The following NEGR1 variants were observed in gnomAD, a reference collection of about 807,000 sequenced individuals.
NEGR1 encodes the protein neuronal growth regulator 1.
Under a neutral mutation model 40.9 loss-of-function variants are expected in NEGR1, and 10 were observed. The observed-to-expected ratio is 0.24, with a 90% confidence interval of 0.15 to 0.42. The LOEUF (loss-of-function observed/expected upper bound fraction) is 0.42. NEGR1 is among the 10% of genes least tolerant of loss of function. NEGR1 has a pLI of 1.00. For synonymous variants in NEGR1, 185 were observed against 166.8 expected (o/e 1.11, Z -0.84); for missense variants, 352 against 438.9 (o/e 0.80, Z 1.77).
chr1:71,574,694 A>C (rs1648907146), intron 6 of NEGR1, among the ~76,000 whole-genome samples: 1 of 152,194 alleles, frequency 6.6e-6, no homozygotes, highest in South Asian at 2.1e-4. Context: ...AGCACATATC[A>C]ATAAATTTAT....
At chr1:71,996,851 C>T (rs1483945557) in intron 1 of NEGR1, among the ~76,000 whole-genome samples, 1 of 151,960 alleles carries the variant, frequency 6.6e-6, no homozygotes, top group African/African-American at 2.4e-5. Context: ...CTAAAGTTAC[C>T]AATGATCTCT....
intron 6 of NEGR1, among the ~76,000 whole-genome samples, chr1:71,565,599 G>C (rs6668345): frequency 0.61 from 92,513 of 151,984 alleles, 28,670 homozygotes; most frequent in Middle Eastern, 0.68. Flanking sequence ...CCTGCAGAGA[G>C]TGCCAGCTGA....
intron 6 of NEGR1, among the ~76,000 whole-genome samples, chr1:71,421,746 C>T (rs764137548): frequency 3.9e-5 from 6 of 152,176 alleles, no homozygotes; most frequent in Non-Finnish European, 7.4e-5. Context: ...AGCAACCATA[C>T]ATTCTGATGT....
At chr1:72,021,602 A>T (rs1172679324) in intron 1 of NEGR1, among the ~76,000 whole-genome samples, 2 of 152,164 alleles carry the variant, frequency 1.3e-5, no homozygotes, top group Admixed American at 1.3e-4. Flanking sequence ...GTAAAATGAT[A>T]TTTTGAAAAA....
At chr1:72,150,717 G>A (rs1306168212) in intron 1 of NEGR1, among the ~76,000 whole-genome samples, 3 of 152,012 alleles carry the variant, frequency 2.0e-5, no homozygotes, top group Non-Finnish European at 4.4e-5. Context: ...AAGATTTGCT[G>A]GTGAATTTTA....
chr1:72,078,829 G>T (rs935988242), intron 1 of NEGR1, among the ~76,000 whole-genome samples: 18 of 150,012 alleles, frequency 1.2e-4, no homozygotes, highest in Non-Finnish European at 2.2e-4. Context: ...TTAGTAGAGA[G>T]GGGTTTCACC....
Position 71,930,809 on chromosome 1 carries a change from A to G in NEGR1, c.409+4270T>C, listed in dbSNP as rs931250892. 7.9e-5 allele frequency among the ~76,000 whole-genome samples: 12 copies of G among 152,320 alleles called. No individual in the cohort carries two copies. In the East Asian group the frequency reaches 2.3e-3, roughly 29 times the overall value. On this transcript the variant is annotated intron_variant, in intron 2 of 6. Transcript: ENST00000357731. ...GAAGGAGATGGGTTTGAATATAGTAAGAAGTAGAGCTGCAATGGAGTCTGG... is the reference window on the plus strand; with the variant it reads ...GAAGGAGATGGGTTTGAATATAGTAGGAAGTAGAGCTGCAATGGAGTCTGG...
chr1:71,419,130 G>T (rs1266773537), intron 6 of NEGR1, among the ~76,000 whole-genome samples: 2 of 152,112 alleles, frequency 1.3e-5, no homozygotes, highest in Admixed American at 6.5e-5. Context: ...TATTGGACTG[G>T]CTTTCCCTTC....
At chr1:72,274,502 G>C in intron 1 of NEGR1, 1 of 639,836 alleles carries the variant, frequency 1.6e-6, no homozygotes, top group Non-Finnish European at 2.9e-6. Flanking sequence ...AAGATAAACT[G>C]TCTCAAGTTG....
chr1:71,740,099 GAA>G (rs1288308916), intron 3 of NEGR1, among the ~76,000 whole-genome samples: 1 of 152,078 alleles, frequency 6.6e-6, no homozygotes, highest in Non-Finnish European at 1.5e-5. Flanking sequence ...GACTTCCCTG[GAA>G]TTGTGTTTAT....
chr1:71,554,638 T>A (rs1267827398), intron 6 of NEGR1, among the ~76,000 whole-genome samples: 5 of 151,538 alleles, frequency 3.3e-5, no homozygotes, highest in Non-Finnish European at 7.4e-5. Flanking sequence ...TATTCCTGAA[T>A]AGGATGTCTT....
chr1:71,543,461 G>A lies in NEGR1; in HGVS notation c.940+49356C>T, dbSNP rs1194485456. 3.3e-5 allele frequency among the ~76,000 whole-genome samples: 5 copies of A among 151,678 alleles called. No individual in the cohort carries two copies. The East Asian group carries it at 9.8e-4, about 30-fold the overall frequency. On this transcript the variant is annotated intron_variant, in intron 6 of 6. Coordinates refer to ENST00000357731, the MANE Select transcript of NEGR1 (RefSeq NM_173808.3). ...TATGCAAATTGAAATAGTAGAGTCT[G>A]ACCAAGATATGTGCTTTCCTGACCA... is the stretch of plus-strand genomic sequence containing the variant.
chr1:71,477,800 C>T lies in NEGR1; in HGVS notation c.941-70230G>A, dbSNP rs537673085. The stretch of plus-strand genomic sequence containing the variant: ...CTTCATTATAGTTGTTTTCTGTGTA[C>T]ATTTTGGCCTTTGATCTTACAAAGA... On this transcript the variant is annotated intron_variant, in intron 6 of 6. Coordinates refer to ENST00000357731, the MANE Select transcript of NEGR1 (RefSeq NM_173808.3). Among the ~76,000 whole-genome samples the T allele has an allele frequency of 2.6e-3, 388 of 151,932 alleles. 1 individual carries two copies. Among genetic ancestry groups the T allele is most frequent in the African/African-American group, 9.0e-3 (375 of 41,478 alleles).
At chr1:71,742,406 G>T (rs1207390795) in intron 3 of NEGR1, among the ~76,000 whole-genome samples, 1 of 152,108 alleles carries the variant, frequency 6.6e-6, no homozygotes, top group Non-Finnish European at 1.5e-5. Context: ...ACTGGGTTTG[G>T]GAGACAGGAT....
chr1:72,052,566 G>A (rs1647072482), intron 1 of NEGR1, among the ~76,000 whole-genome samples: 1 of 151,388 alleles, frequency 6.6e-6, no homozygotes, highest in Admixed American at 6.6e-5. Flanking sequence ...CACAGGTGAT[G>A]TATACATAAC....
intron 2 of NEGR1, among the ~76,000 whole-genome samples, chr1:71,927,643 A>G (rs1470164152): frequency 4.6e-5 from 7 of 151,538 alleles, no homozygotes; most frequent in Non-Finnish European, 7.4e-5. Flanking sequence ...ATATAGTTCA[A>G]CAGATTAAAT....
intron 1 of NEGR1, among the ~76,000 whole-genome samples, chr1:72,229,363 G>A (rs536671815): frequency 3.4e-3 from 503 of 147,904 alleles, no homozygotes; most frequent in Middle Eastern, 0.015. Context: ...AAGATAGAAT[G>A]TAATAAAATA....
At chr1:71,555,160 C>T (rs1648215496) in intron 6 of NEGR1, among the ~76,000 whole-genome samples, 1 of 151,690 alleles carries the variant, frequency 6.6e-6, no homozygotes, top group African/African-American at 2.4e-5. Flanking sequence ...GAATCCCCCT[C>T]ACTCCCAATT....
chr1:71,987,386 G>C (rs981051657), intron 1 of NEGR1, among the ~76,000 whole-genome samples: 2 of 152,208 alleles, frequency 1.3e-5, no homozygotes, highest in Non-Finnish European at 2.9e-5. Context: ...AGCTACCAGG[G>C]AGAAATACAA....
Sources: gnomAD v4.1 joint callset for allele counts (sites outside exome capture counted in the v4.1 genomes callset) on GRCh38, gnomAD v4.1.1 for gene constraint, MANE v1.5 for transcripts, NCBI Gene and HGNC (gene_info 2026-07-23, HGNC 2026-07-21) for gene names.